Variants in NETO1 observed in about 807,000 individuals in gnomAD.
NETO1 encodes the protein neuropilin and tolloid-like protein 1.
In NETO1, 26 loss-of-function variants were observed where a neutral mutation model predicts 61.3. That is an observed-to-expected ratio of 0.42 (90% confidence interval 0.31 to 0.59). The LOEUF (loss-of-function observed/expected upper bound fraction) is 0.59, where lower values mean the gene tolerates loss of function less well. Among genes scored for constraint, NETO1 ranks in the 20% least tolerant of loss-of-function variants. NETO1 has a pLI of 0.12. For missense variants in NETO1, 531 were observed against 662.8 expected (o/e 0.80, Z 2.18); for synonymous variants, 225 against 225.8 (o/e 1.00, Z 0.03).
chr18:72,830,344 C>T lies in NETO1; in HGVS notation c.469+28482G>A, dbSNP rs776814119. On this transcript the variant is annotated intron_variant, in intron 4 of 10. Coordinates refer to ENST00000327305, the MANE Select transcript of NETO1 (RefSeq NM_138966.5). The surrounding 1 kb of genome is among the most constrained non-coding windows in gnomAD (Gnocchi z 4.9). ...CTCAGCACCCTGGACAGCGTCCAAACCCCAGAAACGGGTTGGCAGGGAGGC... is the reference window on the plus strand; with the variant it reads ...CTCAGCACCCTGGACAGCGTCCAAATCCCAGAAACGGGTTGGCAGGGAGGC... 6.6e-6 allele frequency among the ~76,000 whole-genome samples: 1 copy of T among 152,196 alleles called. No homozygotes were observed. The highest frequency in any genetic ancestry group is 2.1e-4 in the South Asian group (1 of 4,810).
At chr18:72,861,512 C>T (rs2074571609) in intron 3 of NETO1, among the ~76,000 whole-genome samples, 1 of 152,200 alleles carries the variant, frequency 6.6e-6, no homozygotes, top group African/African-American at 2.4e-5. Context: ...TGATCTAACA[C>T]TGAGGTTAGT....
At chr18:72,759,750 A>G (rs1043200476) in intron 7 of NETO1, among the ~76,000 whole-genome samples, 21 of 152,170 alleles carry the variant, frequency 1.4e-4, no homozygotes, top group Admixed American at 5.2e-4. Flanking sequence ...TTCCTCGACC[A>G]ATTTACATAA....
Position 72,747,994 on chromosome 18 carries a change from A to C in NETO1, c.*185T>G, listed in dbSNP as rs2070469039. On this transcript the variant is annotated 3_prime_UTR_variant, in exon 11 of 11. Coordinates refer to ENST00000327305, the MANE Select transcript of NETO1 (RefSeq NM_138966.5). ...TTGGTGGCCAGCAACCAAATTACGA[A>C]ATGAACATATCAGTGTGCAGCGGGG... The C allele has an allele frequency of 1.2e-5, 4 of 322,192 alleles. No individual in the cohort carries two copies. In the South Asian group the frequency reaches 5.0e-4, roughly 40 times the overall value. 20.0% of individuals were successfully genotyped at this position (322,192 alleles called of 1,614,324 possible). A position where few individuals can be genotyped will look rare whatever the true frequency, so the allele number is the denominator to read the frequency against.
chr18:72,808,865 A>C (rs891495950), intron 4 of NETO1, among the ~76,000 whole-genome samples: 1 of 152,222 alleles, frequency 6.6e-6, no homozygotes, highest in Non-Finnish European at 1.5e-5. Context: ...GACACATGGC[A>C]AGTGGAGGAT....
chr18:72,785,545 T>G (rs1453713474), intron 6 of NETO1, among the ~76,000 whole-genome samples: 3 of 152,216 alleles, frequency 2.0e-5, no homozygotes, highest in Non-Finnish European at 4.4e-5. Flanking sequence ...ATCACAGTCT[T>G]TTTTTCATTA....
At chr18:72,772,819 CTCTCTCTATATATATA>C (rs1348617296) in intron 7 of NETO1, among the ~76,000 whole-genome samples, 54 of 52,542 alleles carry the variant, frequency 1.0e-3, no homozygotes, top group Non-Finnish European at 1.5e-3. Context: ...CTCTCTCTCT[CTCTCTCTATATATATA>C]TATATATATA....
chr18:72,842,784 G>T (rs966732091), intron 4 of NETO1, among the ~76,000 whole-genome samples: 1 of 152,104 alleles, frequency 6.6e-6, no homozygotes, highest in African/African-American at 2.4e-5. Context: ...CCCAAATAAG[G>T]ATGGCAATAA....
downstream of NETO1, among the ~76,000 whole-genome samples, chr18:72,743,381 TAAG>T (rs1475949048): frequency 2.0e-5 from 3 of 152,192 alleles, no homozygotes; most frequent in Admixed American, 2.0e-4. Context: ...CTCTTGATCT[TAAG>T]AAGATACCTA....
intron 8 of NETO1, among the ~76,000 whole-genome samples, chr18:72,753,784 T>A (rs2070701423): frequency 6.6e-6 from 1 of 152,156 alleles, no homozygotes; most frequent in Non-Finnish European, 1.5e-5. Context: ...TGCAATATAT[T>A]TGGTGACAAT....
intron 4 of NETO1, among the ~76,000 whole-genome samples, chr18:72,817,513 T>A (rs1400204961): frequency 6.6e-6 from 1 of 152,226 alleles, no homozygotes; most frequent in Non-Finnish European, 1.5e-5. Flanking sequence ...GATTTTTTTT[T>A]AAACCAACAA....
At chr18:72,834,007 C>CA in intron 4 of NETO1, 1 of 583,098 alleles carries the variant, frequency 1.7e-6, no homozygotes, top group Non-Finnish European at 2.2e-6. Context: ...AACATTTTAA[C>CA]ACCCAACCTA....
At chr18:72,786,228 T>C (rs1020052734) in intron 6 of NETO1, among the ~76,000 whole-genome samples, 3 of 152,182 alleles carry the variant, frequency 2.0e-5, no homozygotes, top group Non-Finnish European at 4.4e-5. Flanking sequence ...CAGTGGAAAT[T>C]ATATGCAATA....
chr18:72,833,659 T>G (rs1037066323), intron 4 of NETO1, among the ~76,000 whole-genome samples: 4 of 152,154 alleles, frequency 2.6e-5, no homozygotes, highest in African/African-American at 9.7e-5. Flanking sequence ...TCTCCTATTA[T>G]CTCAGGTTCT....
intron 7 of NETO1, among the ~76,000 whole-genome samples, chr18:72,778,934 T>G (rs2071646739): frequency 1.3e-5 from 2 of 152,172 alleles, no homozygotes; most frequent in Non-Finnish European, 2.9e-5. Context: ...GTATGTCCAC[T>G]TGGGCTGCTA....
rs557415789 is a variant in NETO1, at chr18:72,844,432, C to G, written c.469+14394G>C. The stretch of plus-strand genomic sequence containing the variant: ...TCAAACATCACTATTCAATTTAAAA[C>G]ATTAATATACTTCCCACACTTTCTA... On this transcript the variant is annotated intron_variant, in intron 4 of 10. Transcript: ENST00000327305. 8.1e-4 allele frequency among the ~76,000 whole-genome samples: 124 copies of G among 152,318 alleles called. 1 individual carries two copies. The South Asian group carries it at 0.023, about 28-fold the overall frequency.
intron 8 of NETO1, among the ~76,000 whole-genome samples, chr18:72,753,213 T>C (rs1049410580): frequency 4.6e-5 from 7 of 151,810 alleles, no homozygotes; most frequent in African/African-American, 1.7e-4. Context: ...CAAAGGCATA[T>C]GATATTGAAA....
At chr18:72,835,072 C>T in intron 4 of NETO1, 3 of 1,078,508 alleles carry the variant, frequency 2.8e-6, no homozygotes, top group Non-Finnish European at 3.4e-6. Flanking sequence ...AAAATTGAAC[C>T]TTCATCTGGG....
Position 72,794,100 on chromosome 18 carries a change from T to A in NETO1, c.639+17A>T, listed in dbSNP as rs1288478362. ...TCAACGTCAGCTGTCAAGTGTGGGT[T>A]TCATCTTAAGACTGACCTTGGACCG... On this transcript the variant is annotated intron_variant, in intron 6 of 10. Transcript: ENST00000327305. 4 of 1,614,032 alleles carry A rather than the reference T, an allele frequency of 2.5e-6. No homozygotes were observed. The highest frequency in any genetic ancestry group is 3.4e-6 in the Non-Finnish European group (4 of 1,180,020).
At chr18:72,792,646 A>G (rs77809741) in intron 6 of NETO1, among the ~76,000 whole-genome samples, 2,305 of 151,240 alleles carry the variant, frequency 0.015, 24 homozygotes, top group Non-Finnish European at 0.022. Context: ...AAAAAAAACA[A>G]TTTTCCAAAT....
Sources: gnomAD v4.1 joint callset for allele counts (sites outside exome capture counted in the v4.1 genomes callset) on GRCh38, gnomAD v4.1.1 for gene constraint, Gnocchi (gnomAD v3.1) non-coding constraint, MANE v1.5 for transcripts, NCBI Gene and HGNC (gene_info 2026-07-23, HGNC 2026-07-21) for gene names.